Variants in POLR2B observed in about 807,000 individuals in gnomAD.
The protein encoded by POLR2B is RNA polymerase II subunit B, also known as DNA-directed RNA polymerase II subunit RPB2.
A neutral mutation model predicts 144.6 loss-of-function variants in POLR2B; 57 were observed. That is an observed-to-expected ratio of 0.39 (90% CI 0.32 to 0.49). The LOEUF is 0.49. Ranked by LOEUF, POLR2B falls within the 20% of genes least tolerant of loss-of-function variation. POLR2B has a pLI of 0.83. For missense variants in POLR2B, 595 were observed against 1,467.4 expected (o/e 0.41, Z 9.71); for synonymous variants, 442 against 469.8 (o/e 0.94, Z 0.77).
intron 3 of POLR2B, among the ~76,000 whole-genome samples, chr4:56,993,045 T>C (rs2109659025): frequency 6.6e-6 from 1 of 152,160 alleles, no homozygotes; most frequent in East Asian, 1.9e-4. Flanking sequence ...GGCTCATGCC[T>C]GTAATCCCAG....
intron 1 of POLR2B, among the ~76,000 whole-genome samples, chr4:56,985,953 T>C (rs575361866): frequency 1.3e-5 from 2 of 152,290 alleles, no homozygotes; most frequent in East Asian, 3.9e-4. Context: ...CTTTGGAAAA[T>C]GCAAACTTTC....
chr4:57,013,160 G>A (rs1723247634), intron 13 of POLR2B, among the ~76,000 whole-genome samples: 2 of 152,000 alleles, frequency 1.3e-5, no homozygotes, highest in Admixed American at 1.3e-4. Context: ...ATTTTTGGTA[G>A]AGATGGGGTT....
chr4:57,018,406 A>T (rs1050192248), intron 16 of POLR2B, among the ~76,000 whole-genome samples: 2 of 152,166 alleles, frequency 1.3e-5, no homozygotes, highest in East Asian at 1.9e-4. Flanking sequence ...TTTGAAATAC[A>T]CTTGATAGGA....
chr4:57,030,471 A>G, intron 24 of POLR2B, 72 bp downstream of exon 24: 1 of 1,127,018 alleles, frequency 8.9e-7, no homozygotes, highest in Non-Finnish European at 1.3e-6. Context: ...TCCAGGCAGA[A>G]TTAGTGTGGC....
intron 7 of POLR2B, among the ~76,000 whole-genome samples, chr4:57,000,842 C>T (rs536699849): frequency 1.8e-4 from 27 of 152,080 alleles, no homozygotes; most frequent in Admixed American, 1.3e-3. Context: ...ACTACAGGCA[C>T]GTGCCACCAC....
At chr4:57,013,166 G>A (rs915163311) in intron 13 of POLR2B, among the ~76,000 whole-genome samples, 1 of 151,998 alleles carries the variant, frequency 6.6e-6, no homozygotes, top group African/African-American at 2.4e-5. Context: ...GGTAGAGATG[G>A]GGTTTTGCCA....
In POLR2B at chr4:57,023,154, T is replaced by G; in HGVS notation, c.2516-176T>G. ...TTTCCTTCATAGACTTTTTTTTTTG[T>G]TTTCTGTGTGGGCTGTAGTATTAGA... On this transcript the variant is annotated intron_variant, in intron 18 of 24. Coordinates refer to ENST00000314595, the MANE Select transcript of POLR2B (RefSeq NM_000938.3). The surrounding 1 kb of genome is among the most constrained non-coding windows in gnomAD (Gnocchi z 4.3). The G allele has an allele frequency of 1.8e-6, 1 of 550,808 alleles. No homozygotes were observed. Among genetic ancestry groups the G allele is most frequent in the Non-Finnish European group, 3.1e-6 (1 of 322,528 alleles). 34.1% of individuals were successfully genotyped at this position (550,808 alleles called of 1,614,324 possible).
chr4:57,019,219 A>G (rs191944767), intron 16 of POLR2B, among the ~76,000 whole-genome samples: 164 of 152,310 alleles, frequency 1.1e-3, no homozygotes, highest in Non-Finnish European at 2.0e-3. Flanking sequence ...TAGATAATAC[A>G]GTTTCTTTAT....
At chr4:56,988,640 G>A (rs192372117) in intron 2 of POLR2B, among the ~76,000 whole-genome samples, 1 of 152,260 alleles carries the variant, frequency 6.6e-6, no homozygotes, top group Non-Finnish European at 1.5e-5. Context: ...GCCACCTATA[G>A]CTAGAATGAA....
chr4:57,012,779 C>T lies in POLR2B; in HGVS notation c.1800+1679C>T, dbSNP rs1463022135. ...TCCCAGGTTCAAGAAATTCTCATGC[C>T]TCAGCCTCCTGAGTAGCTGGGATTA... On this transcript the variant is annotated intron_variant, in intron 13 of 24. Coordinates refer to ENST00000314595, the MANE Select transcript of POLR2B (RefSeq NM_000938.3). Among the ~76,000 whole-genome samples the T allele has an allele frequency of 2.0e-5, 3 of 152,208 alleles. No homozygotes were observed. In the East Asian group the frequency reaches 5.8e-4, roughly 29 times the overall value.
At chr4:56,997,311 C>T (rs1184381264) in intron 6 of POLR2B, among the ~76,000 whole-genome samples, 2 of 149,100 alleles carry the variant, frequency 1.3e-5, no homozygotes, top group Admixed American at 1.3e-4. Context: ...TAGGCTGGAG[C>T]GTAGTGGCGC....
chr4:56,981,034 C>T (rs1282951089), intron 1 of POLR2B, among the ~76,000 whole-genome samples: 2 of 152,078 alleles, frequency 1.3e-5, no homozygotes, highest in Non-Finnish European at 2.9e-5. Flanking sequence ...AACTCCTGAC[C>T]TCAGGTGATT....
chr4:57,003,268 A>G (rs920932112), intron 7 of POLR2B, among the ~76,000 whole-genome samples: 37 of 151,952 alleles, frequency 2.4e-4, no homozygotes, highest in Non-Finnish European at 4.7e-4. Context: ...TGTGTCTACT[A>G]AAAATACAAA....
At chr4:57,014,508 T>C (rs1033141048) in intron 13 of POLR2B, among the ~76,000 whole-genome samples, 2 of 146,532 alleles carry the variant, frequency 1.4e-5, no homozygotes, top group African/African-American at 5.1e-5. Context: ...TTTTTTCTTT[T>C]TTTTTTTTTT....
At chr4:57,002,302 T>G (rs967110381) in intron 7 of POLR2B, among the ~76,000 whole-genome samples, 1 of 152,194 alleles carries the variant, frequency 6.6e-6, no homozygotes, top group Admixed American at 6.5e-5. Flanking sequence ...GTGCTGGGAT[T>G]ACAGGCGTGA....
In POLR2B at chr4:57,012,347, A is replaced by G. The variant is rs528160330; in HGVS notation, c.1800+1247A>G. 1.5e-4 allele frequency among the ~76,000 whole-genome samples: 23 copies of G among 152,206 alleles called. No individual in the cohort carries two copies. The South Asian group carries it at 2.9e-3, about 19-fold the overall frequency. On this transcript the variant is annotated intron_variant, in intron 13 of 24. Transcript: ENST00000314595. Reference sequence around the variant, plus strand: ...TTAAATCCGGGAGGCAGAGGTTGCAATGAGCAGAGATTGCACCATTGTACT... The same window carrying G: ...TTAAATCCGGGAGGCAGAGGTTGCAGTGAGCAGAGATTGCACCATTGTACT...
chr4:57,021,125 A>C, intron 17 of POLR2B, 130 bp downstream of exon 17: 1 of 653,464 alleles, frequency 1.5e-6, no homozygotes, highest in South Asian at 1.8e-5. Flanking sequence ...TGATGGTCAC[A>C]AACAGCTGAA....
At position 57,030,886 on chromosome 4, in the gene POLR2B, T is replaced by C; in HGVS notation, c.3436-13T>C. 6.4e-7 allele frequency: 1 copy of C among 1,558,554 alleles called. No individual in the cohort carries two copies. The highest frequency in any genetic ancestry group is 8.9e-7 in the Non-Finnish European group (1 of 1,129,336). On this transcript the variant is annotated splice_polypyrimidine_tract_variant and intron_variant, in intron 24 of 24. Transcript: ENST00000314595. ...TACAATTCTGCTAATTACCATTTGT[T>C]TTTTCTTTTCAGATTTCTTTGGTGC...
intron 2 of POLR2B, chr4:56,986,745 G>C: frequency 5.5e-6 from 1 of 183,296 alleles, no homozygotes; most frequent in South Asian, 1.5e-4. Context: ...AGTGAGCGAA[G>C]GTCGCACCGC....
Sources: gnomAD v4.1 joint callset for allele counts (sites outside exome capture counted in the v4.1 genomes callset) on GRCh38, gnomAD v4.1.1 for gene constraint, Gnocchi (gnomAD v3.1) non-coding constraint, MANE v1.5 for transcripts, NCBI Gene and HGNC (gene_info 2026-07-23, HGNC 2026-07-21) for gene names.